PCCA: variants seen among roughly 807,000 people sequenced by gnomAD.
PCCA encodes propionyl-CoA carboxylase subunit alpha, also known as propionyl-CoA carboxylase alpha chain, mitochondrial.
Under a neutral mutation model 101.3 loss-of-function variants are expected in PCCA, and 74 were observed. The ratio of observed to expected loss-of-function variants is 0.73; its 90% confidence interval spans 0.61 to 0.89. The LOEUF (loss-of-function observed/expected upper bound fraction) is 0.89, where lower values mean the gene tolerates loss of function less well. Ranked by LOEUF, PCCA falls within the 40% of genes least tolerant of loss-of-function variation. PCCA has a pLI of 0.00. For missense variants in PCCA, 891 were observed against 907.0 expected (o/e 0.98, Z 0.23); for synonymous variants, 294 against 313.6 (o/e 0.94, Z 0.66).
At chr13:100,197,597 C>T (rs1566684449) in intron 6 of PCCA, among the ~76,000 whole-genome samples, 1 of 152,094 alleles carries the variant, frequency 6.6e-6, no homozygotes, top group Non-Finnish European at 1.5e-5. Flanking sequence ...GAGCATGCCA[C>T]CATGCCCAGC....
intron 22 of PCCA, among the ~76,000 whole-genome samples, chr13:100,524,381 G>GTGTA (rs1347226839): frequency 7.0e-6 from 1 of 142,550 alleles, no homozygotes; most frequent in African/African-American, 3.0e-5. Flanking sequence ...GCTCGTGTGT[G>GTGTA]TGTGTGTGTG....
intron 12 of PCCA, among the ~76,000 whole-genome samples, chr13:100,293,670 T>C (rs2065302075): frequency 6.6e-6 from 1 of 152,198 alleles, no homozygotes; most frequent in African/African-American, 2.4e-5. Context: ...TTTGATTGTA[T>C]TTAAAATGAT....
chr13:100,300,762 T>C (rs973789988), intron 12 of PCCA, among the ~76,000 whole-genome samples: 2 of 152,262 alleles, frequency 1.3e-5, no homozygotes, highest in African/African-American at 2.4e-5. Flanking sequence ...CACATGTTTT[T>C]GTACATACAT....
At chr13:100,309,373 G>A (rs2066727239) in intron 15 of PCCA, among the ~76,000 whole-genome samples, 1 of 152,144 alleles carries the variant, frequency 6.6e-6, no homozygotes, top group Admixed American at 6.5e-5. Context: ...CTCCAGCCTG[G>A]GCAATAGAGC....
chr13:100,257,617 C>T lies in PCCA; in HGVS notation c.660C>T (p.Ala220=), dbSNP rs145826296. Residue 220 remains alanine (A), a synonymous_variant, in exon 9 of 24, where the codon GCC becomes GCT. Coordinates refer to ENST00000376285, the MANE Select transcript of PCCA (RefSeq NM_000282.4). ...TAGGCTACCCTGTCATGATCAAGGC[C>T]TCAGCAGGTGGTGGTGGGAAAGGCA... The part of the protein sequence containing the change: ...REIGYPVMIK[A]SAGGGGKGMR... 67 of 1,613,572 alleles carry T rather than the reference C, an allele frequency of 4.2e-5. No homozygotes were observed. In the African/African-American group the frequency reaches 6.7e-4, roughly 16 times the overall value.
chr13:100,328,341 C>T (rs891540565), intron 16 of PCCA, among the ~76,000 whole-genome samples: 2 of 149,294 alleles, frequency 1.3e-5, no homozygotes, highest in South Asian at 2.1e-4. Flanking sequence ...CTGACCTGGG[C>T]GATAGAGTGA....
chr13:100,210,588 C>T (rs1385491127), intron 7 of PCCA, among the ~76,000 whole-genome samples: 1 of 152,200 alleles, frequency 6.6e-6, no homozygotes, highest in Non-Finnish European at 1.5e-5. Context: ...GGGCCTTCTG[C>T]AGCTGAAGGC....
At chr13:100,131,137 AG>A (rs1259371067) in intron 4 of PCCA, among the ~76,000 whole-genome samples, 10 of 152,124 alleles carry the variant, frequency 6.6e-5, no homozygotes, top group Non-Finnish European at 1.5e-4. Flanking sequence ...AGAAAAAAAA[AG>A]GGGCTTGGCT....
chr13:100,501,525 C>G (rs1241720192), intron 21 of PCCA, among the ~76,000 whole-genome samples: 2 of 152,154 alleles, frequency 1.3e-5, no homozygotes, highest in Non-Finnish European at 2.9e-5. Flanking sequence ...TTCTGTTCAC[C>G]CACAGTGTGG....
Position 100,463,544 on chromosome 13 carries a change from G to A in PCCA, c.1899+14239G>A, listed in dbSNP as rs74811027. On this transcript the variant is annotated intron_variant, in intron 21 of 23. Transcript: ENST00000376285. ...AGAAGAATTGTACCAGAGAAAAGGT[G>A]GACTCTATTAAAAAGATGGATTTAA... Among the ~76,000 whole-genome samples, 918 of 152,008 alleles carry A rather than the reference G, an allele frequency of 6.0e-3. 15 individuals carry two copies. Among genetic ancestry groups the A allele is most frequent in the African/African-American group, 0.014 (587 of 41,440 alleles).
chr13:100,398,991 T>C (rs1434181576), intron 19 of PCCA, among the ~76,000 whole-genome samples: 2 of 152,108 alleles, frequency 1.3e-5, no homozygotes, highest in Admixed American at 1.3e-4. Flanking sequence ...TCTGAATATT[T>C]AACATAAAAA....
chr13:100,438,798 C>T (rs1426648784), intron 20 of PCCA, among the ~76,000 whole-genome samples: 5 of 152,020 alleles, frequency 3.3e-5, no homozygotes, highest in East Asian at 3.9e-4. Context: ...TGGCTCCCTC[C>T]GCATTTGGGG....
intron 21 of PCCA, among the ~76,000 whole-genome samples, chr13:100,506,266 G>C (rs903181808): frequency 1.3e-5 from 2 of 151,826 alleles, no homozygotes; most frequent in Non-Finnish European, 2.9e-5. Flanking sequence ...GGTGCCAGCA[G>C]TCCTCCTTGG....
At chr13:100,110,770 T>C (rs1335476436) in intron 2 of PCCA, among the ~76,000 whole-genome samples, 1 of 152,118 alleles carries the variant, frequency 6.6e-6, no homozygotes, top group Non-Finnish European at 1.5e-5. Context: ...AGAAAATAAA[T>C]TGTCAAGTAA....
intron 21 of PCCA, among the ~76,000 whole-genome samples, chr13:100,506,803 C>T (rs1259199926): frequency 2.0e-5 from 3 of 152,060 alleles, no homozygotes; most frequent in Admixed American, 1.3e-4. Context: ...GGTTGGGCAC[C>T]GTCGTGAAAT....
intron 19 of PCCA, among the ~76,000 whole-genome samples, chr13:100,415,239 C>CA (rs11308074): frequency 7.4e-4 from 91 of 123,094 alleles, no homozygotes; most frequent in East Asian, 3.8e-3. Flanking sequence ...CACACCTCTA[C>CA]AAAAAAAAAA....
chr13:100,096,143 C>CT (rs927684293), intron 1 of PCCA, among the ~76,000 whole-genome samples: 1 of 151,260 alleles, frequency 6.6e-6, no homozygotes, highest in Non-Finnish European at 1.5e-5. Context: ...GCAGATACTG[C>CT]TTTTTTTTTG....
chr13:100,185,847 A>C (rs1472447014), intron 6 of PCCA, among the ~76,000 whole-genome samples: 1 of 151,824 alleles, frequency 6.6e-6, no homozygotes. Context: ...GGGTTTCTCC[A>C]TGTTGGTGAG....
chr13:100,503,620 T>G (rs1179666253), intron 21 of PCCA, among the ~76,000 whole-genome samples: 2 of 151,152 alleles, frequency 1.3e-5, no homozygotes, highest in African/African-American at 4.9e-5. Flanking sequence ...AAATGAGCTG[T>G]GGGCTGGGCA....
Sources: gnomAD v4.1 joint callset for allele counts (sites outside exome capture counted in the v4.1 genomes callset) on GRCh38, gnomAD v4.1.1 for gene constraint, MANE v1.5 for transcripts, NCBI Gene and HGNC (gene_info 2026-07-23, HGNC 2026-07-21) for gene names.